ROBO1: variants seen among roughly 807,000 people sequenced by gnomAD.
The protein encoded by ROBO1 is roundabout homolog 1.
ROBO1 carries 149 observed loss-of-function variants against 195.9 expected under a neutral mutation model. That is an observed-to-expected ratio of 0.76 (90% CI 0.67 to 0.87). The LOEUF is 0.87. Ranked by LOEUF, ROBO1 falls within the 40% of genes least tolerant of loss-of-function variation. ROBO1 has a pLI of 0.00. For missense variants in ROBO1, 1,933 were observed against 2,068.3 expected, an observed-to-expected ratio of 0.93 and a Z score of 1.27; for synonymous variants, 816 against 733.2, an observed-to-expected ratio of 1.11 and a Z score of -1.82.
rs972193160 is a variant in ROBO1 at position 79,478,170 on chromosome 3, A to G, written c.88+111654T>C. On this transcript the variant is annotated intron_variant, in intron 2 of 30. Coordinates refer to ENST00000464233, the MANE Select transcript of ROBO1 (RefSeq NM_002941.4). ...TGGCTGCAAGTGCCCTGGGATCTAC[A>G]GAAGAAAATAATCAAGTGAAGGTCT... is the stretch of plus-strand genomic sequence containing the variant. 2.0e-5 allele frequency among the ~76,000 whole-genome samples: 3 copies of G among 152,178 alleles called. No homozygotes were observed. In the East Asian group the frequency reaches 5.8e-4, roughly 29 times the overall value.
intron 1 of ROBO1, among the ~76,000 whole-genome samples, chr3:79,675,875 T>C (rs111547651): frequency 2.6e-5 from 4 of 152,188 alleles, no homozygotes; most frequent in African/African-American, 9.6e-5. Flanking sequence ...GAACATGCTG[T>C]GCCAGTTAAT....
chr3:78,737,964 G>A (rs1292723751), intron 5 of ROBO1, among the ~76,000 whole-genome samples: 1 of 152,126 alleles, frequency 6.6e-6, no homozygotes, highest in Non-Finnish European at 1.5e-5. Flanking sequence ...AACTTCTTAG[G>A]GAAAAGGGGC....
At chr3:79,609,128 C>G (rs1944578309) in intron 1 of ROBO1, among the ~76,000 whole-genome samples, 1 of 151,884 alleles carries the variant, frequency 6.6e-6, no homozygotes, top group Admixed American at 6.6e-5. Context: ...TTTCTGTTCT[C>G]TATAAATTAG....
At chr3:79,147,697 T>C (rs1337568399) in intron 2 of ROBO1, among the ~76,000 whole-genome samples, 1 of 152,004 alleles carries the variant, frequency 6.6e-6, no homozygotes, top group Non-Finnish European at 1.5e-5. Context: ...GTGGGTGAGA[T>C]AGTTAATGAC....
chr3:79,324,605 CA>C (rs1438204756), intron 2 of ROBO1, among the ~76,000 whole-genome samples: 5 of 151,628 alleles, frequency 3.3e-5, no homozygotes, highest in Non-Finnish European at 5.9e-5. Context: ...AACAAACAGA[CA>C]AAAAAAGCTT....
intron 1 of ROBO1, among the ~76,000 whole-genome samples, chr3:79,695,185 T>C (rs1449370624): frequency 6.6e-6 from 1 of 151,656 alleles, no homozygotes; most frequent in East Asian, 1.9e-4. Context: ...TGATAACTGA[T>C]ATATATTGTC....
chr3:78,815,389 T>C (rs2084867959), intron 4 of ROBO1, among the ~76,000 whole-genome samples: 1 of 152,012 alleles, frequency 6.6e-6, no homozygotes, highest in African/African-American at 2.4e-5. Context: ...AACACACAAA[T>C]GATAAGAAAA....
chr3:79,582,046 G>A (rs1048992321), intron 2 of ROBO1, among the ~76,000 whole-genome samples: 3 of 151,850 alleles, frequency 2.0e-5, no homozygotes, highest in Non-Finnish European at 2.9e-5. Flanking sequence ...ATCTATTTGT[G>A]TATGGTAAGT....
intron 3 of ROBO1, among the ~76,000 whole-genome samples, chr3:79,062,794 G>C (rs548534367): frequency 6.6e-6 from 1 of 152,144 alleles, no homozygotes; most frequent in African/African-American, 2.4e-5. Flanking sequence ...AGAACACATG[G>C]ACACAAGGCA....
At chr3:78,714,736 A>C (rs1411004681) in intron 7 of ROBO1, 1 of 416,778 alleles carries the variant, frequency 2.4e-6, no homozygotes, top group African/African-American at 2.0e-5. Context: ...TTCTAAAAGA[A>C]CATTTTGGGG....
intron 2 of ROBO1, among the ~76,000 whole-genome samples, chr3:79,448,646 C>A (rs2039346021): frequency 6.6e-6 from 1 of 152,114 alleles, no homozygotes; most frequent in Non-Finnish European, 1.5e-5. Context: ...AGCTTGATGT[C>A]ATCTAAATAC....
At chr3:78,940,908 A>G (rs1010431414) in intron 3 of ROBO1, among the ~76,000 whole-genome samples, 11 of 152,222 alleles carry the variant, frequency 7.2e-5, no homozygotes, top group Non-Finnish European at 1.5e-4. Flanking sequence ...CTGACAAGAA[A>G]GACCTAACTA....
chr3:79,494,870 T>G (rs1232754914), intron 2 of ROBO1, among the ~76,000 whole-genome samples: 1 of 152,170 alleles, frequency 6.6e-6, no homozygotes, highest in African/African-American at 2.4e-5. Context: ...TCAAGACTAA[T>G]TTATCCATAT....
chr3:79,290,532 T>C (rs899881410), intron 2 of ROBO1, among the ~76,000 whole-genome samples: 1 of 152,164 alleles, frequency 6.6e-6, no homozygotes, highest in Non-Finnish European at 1.5e-5. Context: ...GAAGCTGATA[T>C]ACTATCCAGT....
chr3:79,338,942 C>T (rs1194443770), intron 2 of ROBO1, among the ~76,000 whole-genome samples: 2 of 152,110 alleles, frequency 1.3e-5, no homozygotes, highest in African/African-American at 2.4e-5. Context: ...TTTTACATCC[C>T]TCCAGCCTTT....
intron 29 of ROBO1, among the ~76,000 whole-genome samples, chr3:78,603,430 A>G (rs1703289973): frequency 6.6e-6 from 1 of 152,160 alleles, no homozygotes; most frequent in Admixed American, 6.5e-5. Flanking sequence ...GAACACAAAA[A>G]TATCTATGAA....
chr3:78,660,446 A>G (rs1251823098), intron 16 of ROBO1: 3 of 152,698 alleles, frequency 2.0e-5, no homozygotes, highest in African/African-American at 7.2e-5. Flanking sequence ...AATATTAATC[A>G]TTCATGATAA....
At chr3:79,603,816 A>T (rs1371971464) in intron 1 of ROBO1, among the ~76,000 whole-genome samples, 2 of 152,018 alleles carry the variant, frequency 1.3e-5, no homozygotes, top group Non-Finnish European at 2.9e-5. Flanking sequence ...ACATTTATTG[A>T]ACACTTTCCC....
At chr3:79,419,525 G>A (rs542193288) in intron 2 of ROBO1, among the ~76,000 whole-genome samples, 41 of 152,156 alleles carry the variant, frequency 2.7e-4, no homozygotes, top group African/African-American at 9.1e-4. Flanking sequence ...TCTCAGGATC[G>A]CTCCCCGTTC....
Sources: gnomAD v4.1 joint callset for allele counts (sites outside exome capture counted in the v4.1 genomes callset) on GRCh38, gnomAD v4.1.1 for gene constraint, MANE v1.5 for transcripts, NCBI Gene and HGNC (gene_info 2026-07-23, HGNC 2026-07-21) for gene names.